IGSF11: variants seen among roughly 807,000 people sequenced by gnomAD.
IGSF11 encodes immunoglobulin superfamily member 11.
A neutral mutation model predicts 41.0 loss-of-function variants in IGSF11; 22 were observed. The observed-to-expected ratio is 0.54, with a 90% CI of 0.38 to 0.77. IGSF11 has a LOEUF of 0.77. IGSF11 is among the 30% of genes least tolerant of loss of function. The pLI is 0.00. For synonymous variants in IGSF11, 219 were observed against 201.3 expected (o/e 1.09, Z -0.74); for missense variants, 444 against 530.8 (o/e 0.84, Z 1.61).
chr3:119,034,940 G>GGGCAA (rs1940811253), upstream of IGSF11: 2 of 688,738 alleles, frequency 2.9e-6, no homozygotes, highest in Non-Finnish European at 3.7e-6. Flanking sequence ...CCGCCCACTC[G>GGGCAA]CCCCGCTTGG....
intron 1 of IGSF11, among the ~76,000 whole-genome samples, chr3:119,143,897 T>C (rs573995315): frequency 1.4e-4 from 22 of 152,262 alleles, no homozygotes; most frequent in African/African-American, 5.1e-4. Context: ...AAAGCGTCAA[T>C]TAAACAAGAA....
At chr3:119,136,215 T>C (rs1462591653) in intron 1 of IGSF11, among the ~76,000 whole-genome samples, 1 of 149,222 alleles carries the variant, frequency 6.7e-6, no homozygotes. Flanking sequence ...AGTATAATAA[T>C]TAAAAAGAAA....
At chr3:119,030,455 T>G (rs975873504) in intron 1 of IGSF11, among the ~76,000 whole-genome samples, 2 of 152,180 alleles carry the variant, frequency 1.3e-5, no homozygotes, top group African/African-American at 4.8e-5. Flanking sequence ...TTTCTGCAAT[T>G]TAAAACCATT....
Position 119,007,513 on chromosome 3 carries a change from A to T in IGSF11, c.52+27018T>A, listed in dbSNP as rs562625903. On this transcript the variant is annotated intron_variant, in intron 1 of 6. Transcript: ENST00000393775. ...CCCAGATTCATTATTCTTAAACTGA[A>T]CTCCTATCACACCCTTCCAACCTTT... 1.4e-4 allele frequency among the ~76,000 whole-genome samples: 21 copies of T among 151,346 alleles called. No individual in the cohort carries two copies. The South Asian group carries it at 1.7e-3, about 12-fold the overall frequency.
At chr3:118,962,895 A>C (rs1000570717) in intron 1 of IGSF11, among the ~76,000 whole-genome samples, 5 of 152,136 alleles carry the variant, frequency 3.3e-5, no homozygotes, top group Non-Finnish European at 7.4e-5. Flanking sequence ...AGCTATAAAC[A>C]TCAATTTGTA....
At chr3:119,089,268 G>A (rs532528035) in intron 1 of IGSF11, among the ~76,000 whole-genome samples, 1 of 151,916 alleles carries the variant, frequency 6.6e-6, no homozygotes, top group South Asian at 2.1e-4. Context: ...TAGAAGGCTG[G>A]TTCAACATAC....
intron 1 of IGSF11, among the ~76,000 whole-genome samples, chr3:119,112,176 G>T (rs899496634): frequency 2.0e-5 from 3 of 152,198 alleles, no homozygotes; most frequent in Non-Finnish European, 4.4e-5. Flanking sequence ...CTTTTTGTTT[G>T]TCTGTGCCCT....
In IGSF11 at chr3:118,930,244, G is replaced by A; in HGVS notation, c.84C>T (p.Ser28=). The change falls in exon 2 of 7, where the codon AGC becomes AGT. Residue 28 remains serine, a synonymous_variant. Transcript: ENST00000393775. The part of the protein sequence containing the change: ...GVAASLEVSE[S]PGSIQVARGQ... Reference sequence around the variant, plus strand: ...CCCGGGCCACCTGGATACTCCCAGGGCTCTCTGACACTTCCAGGGATGCTG... The same window carrying A: ...CCCGGGCCACCTGGATACTCCCAGGACTCTCTGACACTTCCAGGGATGCTG... 6.2e-7 allele frequency: 1 copy of A among 1,613,720 alleles called. No homozygotes were observed.
At chr3:118,997,552 T>TCCC (rs1936397579) in intron 1 of IGSF11, among the ~76,000 whole-genome samples, 1 of 31,694 alleles carries the variant, frequency 3.2e-5, no homozygotes, top group African/African-American at 1.0e-4. Flanking sequence ...ACCACCCCCC[T>TCCC]CCCCCGGCTC....
intron 1 of IGSF11, among the ~76,000 whole-genome samples, chr3:118,934,705 C>T (rs953692901): frequency 1.2e-4 from 18 of 152,192 alleles, no homozygotes; most frequent in African/African-American, 4.3e-4. Context: ...ACTCTGGCTC[C>T]TTCCTGATGT....
chr3:119,104,802 AT>A (rs1240211066), intron 1 of IGSF11, among the ~76,000 whole-genome samples: 1 of 152,116 alleles, frequency 6.6e-6, no homozygotes, highest in East Asian at 1.9e-4. Context: ...ACAGGCACCA[AT>A]AGCTGTTTAT....
At chr3:118,921,585 TAA>T (rs1243472181) in intron 4 of IGSF11, among the ~76,000 whole-genome samples, 1 of 152,084 alleles carries the variant, frequency 6.6e-6, no homozygotes, top group East Asian at 1.9e-4. Flanking sequence ...CATCCAACCA[TAA>T]GTTAGTCACG....
At chr3:118,928,868 T>C (rs1429274435) in intron 2 of IGSF11, 152 bp from the exon 3 acceptor site, 3 of 625,220 alleles carry the variant, frequency 4.8e-6, no homozygotes, top group Non-Finnish European at 8.4e-6. Flanking sequence ...TTTTTTACAG[T>C]ATTTGTTCAT....
At position 119,029,205 on chromosome 3, in the gene IGSF11, C is replaced by CAT. The variant is rs1169578154; in HGVS notation, c.52+5325_52+5326insAT. Among the ~76,000 whole-genome samples, 4 of 147,668 alleles carry CAT rather than the reference C, an allele frequency of 2.7e-5. No homozygotes were observed. The Admixed American group carries it at 2.7e-4, about 10-fold the overall frequency. On this transcript the variant is annotated intron_variant, in intron 1 of 6. Coordinates refer to ENST00000393775, the MANE Select transcript of IGSF11 (RefSeq NM_001015887.3). ...ACACACACACACACACACACACACA[C>CAT]ACACGGTAGACATGGTACTGCCTTT...
intron 1 of IGSF11, among the ~76,000 whole-genome samples, chr3:118,954,032 C>T (rs538061819): frequency 2.2e-4 from 34 of 152,216 alleles, no homozygotes; most frequent in Non-Finnish European, 3.7e-4. Context: ...TTTATGGTTT[C>T]AGGTCTTAGA....
chr3:118,959,763 T>C (rs1945206159), intron 1 of IGSF11, among the ~76,000 whole-genome samples: 2 of 152,106 alleles, frequency 1.3e-5, no homozygotes, highest in Non-Finnish European at 2.9e-5. Context: ...AAACAACAAA[T>C]GTGGGCCGGG....
At chr3:119,062,676 A>G (rs1196576016) in intron 1 of IGSF11, among the ~76,000 whole-genome samples, 2 of 152,196 alleles carry the variant, frequency 1.3e-5, no homozygotes, top group African/African-American at 4.8e-5. Context: ...GGCACTTCAA[A>G]CTAAAGCTTA....
At chr3:119,061,742 A>G (rs1203285324) in intron 1 of IGSF11, among the ~76,000 whole-genome samples, 1 of 151,708 alleles carries the variant, frequency 6.6e-6, no homozygotes, top group African/African-American at 2.4e-5. Flanking sequence ...GATTTTATGT[A>G]TCTATATACG....
chr3:118,992,691 A>G (rs1455084168), intron 1 of IGSF11, among the ~76,000 whole-genome samples: 1 of 152,224 alleles, frequency 6.6e-6, no homozygotes, highest in Non-Finnish European at 1.5e-5. Flanking sequence ...CTTGGTGTTG[A>G]AAAACACAAA....
Sources: gnomAD v4.1 joint callset for allele counts (sites outside exome capture counted in the v4.1 genomes callset) on GRCh38, gnomAD v4.1.1 for gene constraint, MANE v1.5 for transcripts, NCBI Gene and HGNC (gene_info 2026-07-23, HGNC 2026-07-21) for gene names.